The following AGBL4 variants were observed in gnomAD, a reference collection of about 807,000 sequenced individuals.
AGBL4 encodes the protein AGBL carboxypeptidase 4.
Under a neutral mutation model 66.4 loss-of-function variants are expected in AGBL4, and 58 were observed. The ratio of observed to expected loss-of-function variants is 0.87; its 90% CI spans 0.71 to 1.09. The LOEUF (loss-of-function observed/expected upper bound fraction) is 1.09. AGBL4 is among the 50% of genes least tolerant of loss of function. The pLI is 0.00. For synonymous variants in AGBL4, 234 were observed against 222.9 expected, an observed-to-expected ratio of 1.05 and a Z score of -0.44; for missense variants, 579 against 631.0, an observed-to-expected ratio of 0.92 and a Z score of 0.88.
chr1:48,627,352 TTC>T (rs1366017918), intron 9 of AGBL4, among the ~76,000 whole-genome samples: 6 of 152,078 alleles, frequency 3.9e-5, no homozygotes. Flanking sequence ...TATACGTATT[TTC>T]TGTTTGATAT....
At chr1:49,747,944 T>TTGTGTGTGTGTGTG (rs4012953) in intron 2 of AGBL4, among the ~76,000 whole-genome samples, 1 of 147,558 alleles carries the variant, frequency 6.8e-6, no homozygotes, top group East Asian at 2.0e-4. Flanking sequence ...GTGTGTGTGT[T>TTGTGTGTGTGTGTG]TGTGTGTGTG....
intron 1 of AGBL4, among the ~76,000 whole-genome samples, chr1:49,970,130 C>T (rs762515161): frequency 6.6e-6 from 1 of 152,108 alleles, no homozygotes; most frequent in Non-Finnish European, 1.5e-5. Context: ...AATGTAAGAC[C>T]TGAAACCATA....
chr1:49,015,466 A>G (rs1033780951), intron 5 of AGBL4, among the ~76,000 whole-genome samples: 1 of 143,812 alleles, frequency 7.0e-6, no homozygotes, highest in Non-Finnish European at 1.5e-5. Flanking sequence ...TGTGTCGCCC[A>G]GGCTGGAGTG....
chr1:48,846,599 C>T lies in AGBL4; in HGVS notation c.634+20592G>A, dbSNP rs553579971. 7.9e-5 allele frequency among the ~76,000 whole-genome samples: 12 copies of T among 152,264 alleles called. No individual in the cohort carries two copies. In the South Asian group the frequency reaches 1.2e-3, roughly 16 times the overall value. ...TTTATTTATTTCATGACTTTTGGCA[C>T]GCCCTTTCTCCTCTTGGGCTCAGTT... On this transcript the variant is annotated intron_variant, in intron 6 of 13. Transcript: ENST00000371839.
intron 1 of AGBL4, among the ~76,000 whole-genome samples, chr1:49,880,671 C>G (rs1467095469): frequency 9.2e-5 from 14 of 152,182 alleles, no homozygotes; most frequent in African/African-American, 2.7e-4. Context: ...GCCTCCTTGA[C>G]CTGTGGTGGG....
intron 1 of AGBL4, among the ~76,000 whole-genome samples, chr1:49,969,890 A>C (rs2148359844): frequency 6.6e-6 from 1 of 152,326 alleles, no homozygotes; most frequent in East Asian, 1.9e-4. Context: ...TTACTGGCAT[A>C]AAAACACAGA....
chr1:49,442,762 G>T (rs939075452), intron 3 of AGBL4, among the ~76,000 whole-genome samples: 1 of 152,100 alleles, frequency 6.6e-6, no homozygotes, highest in Non-Finnish European at 1.5e-5. Flanking sequence ...TTTCTTTTGG[G>T]TAGATTCCCA....
chr1:48,843,617 A>T (rs180904322), intron 6 of AGBL4, among the ~76,000 whole-genome samples: 137 of 152,324 alleles, frequency 9.0e-4, no homozygotes, highest in African/African-American at 3.2e-3. Context: ...ATTGCAACAT[A>T]CACACACATA....
At chr1:48,692,662 G>T (rs1252352339) in intron 6 of AGBL4, among the ~76,000 whole-genome samples, 1 of 152,216 alleles carries the variant, frequency 6.6e-6, no homozygotes, top group East Asian at 1.9e-4. Context: ...CAGTCAGCTT[G>T]TCTATACAGG....
intron 9 of AGBL4, among the ~76,000 whole-genome samples, chr1:48,597,775 AG>A (rs1645016629): frequency 6.7e-6 from 1 of 149,538 alleles, no homozygotes; most frequent in Non-Finnish European, 1.5e-5. Flanking sequence ...AAAGGAAGAA[AG>A]GGTGGAAGGA....
intron 1 of AGBL4, among the ~76,000 whole-genome samples, chr1:49,993,169 T>C (rs764753616): frequency 1.3e-5 from 2 of 152,224 alleles, no homozygotes; most frequent in East Asian, 1.9e-4. Flanking sequence ...AAGTGGGATA[T>C]AGTGACTGAA....
chr1:49,761,842 C>A (rs533042301), intron 2 of AGBL4, among the ~76,000 whole-genome samples: 133 of 152,316 alleles, frequency 8.7e-4, no homozygotes, highest in African/African-American at 3.1e-3. Flanking sequence ...ACCAATGTCT[C>A]CCCATTCTCC....
At chr1:49,662,816 G>T (rs1646295384) in intron 3 of AGBL4, among the ~76,000 whole-genome samples, 1 of 152,102 alleles carries the variant, frequency 6.6e-6, no homozygotes, top group Admixed American at 6.6e-5. Context: ...GAGAATGAAA[G>T]AATCAGGCAG....
chr1:49,831,895 T>C (rs1036106912), intron 2 of AGBL4, among the ~76,000 whole-genome samples: 1 of 152,208 alleles, frequency 6.6e-6, no homozygotes, highest in Non-Finnish European at 1.5e-5. Context: ...GTTCTGTTTA[T>C]GTGATGAATT....
chr1:49,065,283 A>G (rs559088819), intron 4 of AGBL4, among the ~76,000 whole-genome samples: 31 of 152,326 alleles, frequency 2.0e-4, no homozygotes, highest in Non-Finnish European at 2.9e-5. Flanking sequence ...GGATGATCAC[A>G]GGAGACATAG....
intron 9 of AGBL4, among the ~76,000 whole-genome samples, chr1:48,627,136 C>A (rs1264171346): frequency 6.6e-6 from 1 of 152,042 alleles, no homozygotes; most frequent in Non-Finnish European, 1.5e-5. Flanking sequence ...ACACTCGGGT[C>A]CCTTGGTTTC....
chr1:49,873,395 G>C (rs1031022793), intron 1 of AGBL4, among the ~76,000 whole-genome samples: 1 of 151,908 alleles, frequency 6.6e-6, no homozygotes, highest in Non-Finnish European at 1.5e-5. Flanking sequence ...AAAGAAAAGA[G>C]GAGAGAAATG....
At chr1:49,028,348 A>T (rs1473742845) in intron 5 of AGBL4, among the ~76,000 whole-genome samples, 1 of 152,184 alleles carries the variant, frequency 6.6e-6, no homozygotes, top group Non-Finnish European at 1.5e-5. Flanking sequence ...AGAAAACAGA[A>T]CAATCAGCTA....
intron 3 of AGBL4, among the ~76,000 whole-genome samples, chr1:49,436,729 A>AG (rs1645912165): frequency 6.6e-6 from 1 of 152,166 alleles, no homozygotes; most frequent in Admixed American, 6.6e-5. Flanking sequence ...TAGGAAAGGA[A>AG]GGGGGTGTAG....
Sources: gnomAD v4.1 joint callset for allele counts (sites outside exome capture counted in the v4.1 genomes callset) on GRCh38, gnomAD v4.1.1 for gene constraint, MANE v1.5 for transcripts, NCBI Gene and HGNC (gene_info 2026-07-23, HGNC 2026-07-21) for gene names.